The following GMDS variants were observed in gnomAD, a reference collection of about 807,000 sequenced individuals.
GMDS encodes GDP-mannose 4,6 dehydratase.
A neutral mutation model predicts 49.9 loss-of-function variants in GMDS; 20 were observed. The observed-to-expected ratio is 0.40, with a 90% CI of 0.28 to 0.58. The LOEUF is 0.58. GMDS is among the 20% of genes least tolerant of loss of function. The pLI, the probability that GMDS is intolerant of heterozygous loss-of-function variation, is 0.42. For missense variants in GMDS, 362 were observed against 481.4 expected, an observed-to-expected ratio of 0.75 and a Z score of 2.32; for synonymous variants, 177 against 178.6, an observed-to-expected ratio of 0.99 and a Z score of 0.07.
chr6:1,811,272 A>C (rs1290069649), intron 7 of GMDS, among the ~76,000 whole-genome samples: 1 of 152,232 alleles, frequency 6.6e-6, no homozygotes, highest in African/African-American at 2.4e-5. Context: ...ATCTAAGAAC[A>C]TACTCTTGCG....
At chr6:1,933,730 T>C (rs2127248505) in intron 6 of GMDS, among the ~76,000 whole-genome samples, 1 of 152,362 alleles carries the variant, frequency 6.6e-6, no homozygotes, top group East Asian at 1.9e-4. Context: ...TATCTTTTTA[T>C]TATAGAGTTG....
At chr6:1,698,805 T>TG (rs10637432) in intron 9 of GMDS, among the ~76,000 whole-genome samples, 30 of 149,974 alleles carry the variant, frequency 2.0e-4, no homozygotes, top group African/African-American at 7.3e-4. Flanking sequence ...TTTTTTTTTT[T>TG]GGTGGGGGCA....
At chr6:1,712,551 G>T (rs1461337187) in intron 9 of GMDS, among the ~76,000 whole-genome samples, 3 of 152,160 alleles carry the variant, frequency 2.0e-5, no homozygotes, top group Non-Finnish European at 4.4e-5. Context: ...ACTAAGCCTG[G>T]GGTGCAAAAT....
intron 4 of GMDS, among the ~76,000 whole-genome samples, chr6:1,964,975 T>A (rs1048805542): frequency 2.0e-5 from 3 of 152,018 alleles, no homozygotes; most frequent in African/African-American, 7.3e-5. Context: ...TCCAGCTTCA[T>A]CCATGTCCCT....
intron 4 of GMDS, among the ~76,000 whole-genome samples, chr6:2,003,073 C>G (rs1275128447): frequency 6.6e-6 from 1 of 151,944 alleles, no homozygotes; most frequent in African/African-American, 2.4e-5. Context: ...AATAGAGTAC[C>G]TGATAATAAA....
intron 4 of GMDS, among the ~76,000 whole-genome samples, chr6:2,026,807 A>G (rs924102699): frequency 4.6e-5 from 7 of 152,178 alleles, no homozygotes. Flanking sequence ...GTGCATATTA[A>G]TCAAGCCGAA....
intron 9 of GMDS, among the ~76,000 whole-genome samples, chr6:1,690,472 G>A (rs1765132717): frequency 6.6e-6 from 1 of 152,104 alleles, no homozygotes; most frequent in African/African-American, 2.4e-5. Flanking sequence ...TATGAAATAG[G>A]GAATCCTTCC....
chr6:1,808,315 T>G (rs952317037), intron 7 of GMDS, among the ~76,000 whole-genome samples: 3 of 152,190 alleles, frequency 2.0e-5, no homozygotes, highest in Non-Finnish European at 4.4e-5. Context: ...AAGTTAAAGG[T>G]AGTCCTGAAG....
intron 9 of GMDS, among the ~76,000 whole-genome samples, chr6:1,631,630 A>G (rs1438848409): frequency 6.6e-6 from 1 of 151,890 alleles, no homozygotes; most frequent in African/African-American, 2.4e-5. Flanking sequence ...CCTCACTTCA[A>G]TAATCCTTCC....
chr6:1,652,427 TAA>T lies in GMDS; in HGVS notation c.988-27889_988-27888del, dbSNP rs1491272097. Among the ~76,000 whole-genome samples, 215 of 22,340 alleles carry T rather than the reference TAA, an allele frequency of 9.6e-3. 9 individuals carry two copies. The highest frequency in any genetic ancestry group is 0.014 in the Non-Finnish European group (174 of 12,410). The allele number at this position is 22,340 out of a possible 152,430, so 14.7% of individuals were successfully genotyped here. A position where few individuals can be genotyped will look rare whatever the true frequency, so the allele number is the denominator to read the frequency against. ...ATATATATTATATATAATATATATATAATATATTATATATATTTATATATTAT... is the reference window on the plus strand; with the variant it reads ...ATATATATTATATATAATATATATATTATATTATATATATTTATATATTAT... On this transcript the variant is annotated intron_variant, in intron 9 of 10. Coordinates refer to ENST00000380815, the MANE Select transcript of GMDS (RefSeq NM_001500.4).
intron 4 of GMDS, among the ~76,000 whole-genome samples, chr6:2,034,242 T>C (rs1383300938): frequency 6.6e-6 from 1 of 152,208 alleles, no homozygotes; most frequent in Admixed American, 6.5e-5. Flanking sequence ...CTCTGTTGTA[T>C]AATCATCTTT....
rs147636717 is a variant in GMDS at position 2,191,131 on chromosome 6, G to A, written c.102+54190C>T. Reference sequence around the variant, plus strand: ...TGCACCAAGGGTGCCGTGTTCTTGCGCCCCCAGAGAGGACTCTGCACAGGG... The same window carrying A: ...TGCACCAAGGGTGCCGTGTTCTTGCACCCCCAGAGAGGACTCTGCACAGGG... On this transcript the variant is annotated intron_variant, in intron 1 of 10. Coordinates refer to ENST00000380815, the MANE Select transcript of GMDS (RefSeq NM_001500.4). This position sits in a 1 kb window ranked among gnomAD's most constrained non-coding sequence, Gnocchi z 4.6. 2.1e-4 allele frequency among the ~76,000 whole-genome samples: 32 copies of A among 152,170 alleles called. No individual in the cohort carries two copies. Among genetic ancestry groups the A allele is most frequent in the Non-Finnish European group, 3.7e-4 (25 of 67,964 alleles).
intron 1 of GMDS, among the ~76,000 whole-genome samples, chr6:2,194,721 C>T (rs944828923): frequency 2.0e-5 from 3 of 152,240 alleles, no homozygotes; most frequent in Admixed American, 1.3e-4. Flanking sequence ...TTCTTCCACA[C>T]GTGTCACACA....
chr6:1,972,685 T>C (rs1249886465), intron 4 of GMDS, among the ~76,000 whole-genome samples: 7 of 152,218 alleles, frequency 4.6e-5, no homozygotes, highest in Non-Finnish European at 8.8e-5. Context: ...CAATCCTCAG[T>C]AGTAATAGTA....
At chr6:2,084,206 A>G (rs2127470601) in intron 4 of GMDS, among the ~76,000 whole-genome samples, 1 of 152,356 alleles carries the variant, frequency 6.6e-6, no homozygotes, top group East Asian at 1.9e-4. Context: ...CTTCATATCA[A>G]TTTATGTATT....
chr6:2,009,832 T>C (rs542172577), intron 4 of GMDS, among the ~76,000 whole-genome samples: 1 of 152,304 alleles, frequency 6.6e-6, no homozygotes, highest in South Asian at 2.1e-4. Context: ...CACGTTACTG[T>C]ACTCTCCAAA....
At chr6:1,873,710 C>T (rs981066215) in intron 7 of GMDS, among the ~76,000 whole-genome samples, 1 of 152,164 alleles carries the variant, frequency 6.6e-6, no homozygotes, top group Non-Finnish European at 1.5e-5. Flanking sequence ...TAAAGATCCT[C>T]TTTATCTGTG....
chr6:2,153,290 T>C (rs1776929698), intron 1 of GMDS, among the ~76,000 whole-genome samples: 1 of 152,110 alleles, frequency 6.6e-6, no homozygotes, highest in Admixed American at 6.6e-5. Context: ...AGGGAATATT[T>C]TAAGAAGGAC....
intron 8 of GMDS, among the ~76,000 whole-genome samples, chr6:1,737,520 CAG>C (rs1450427175): frequency 4.0e-5 from 6 of 150,338 alleles, no homozygotes; most frequent in South Asian, 2.1e-4. Context: ...CACACACACA[CAG>C]AGATACACAC....
Sources: gnomAD v4.1 joint callset for allele counts (sites outside exome capture counted in the v4.1 genomes callset) on GRCh38, gnomAD v4.1.1 for gene constraint, Gnocchi (gnomAD v3.1) non-coding constraint, MANE v1.5 for transcripts, NCBI Gene and HGNC (gene_info 2026-07-23, HGNC 2026-07-21) for gene names.